The following MAD2L1BP variants were observed in gnomAD, a reference collection of about 807,000 sequenced individuals.
The protein encoded by MAD2L1BP is MAD2L1-binding protein.
Under a neutral mutation model 28.4 loss-of-function variants are expected in MAD2L1BP, and 22 were observed. That is an observed-to-expected ratio of 0.77 (90% CI 0.55 to 1.10). The LOEUF is 1.10. Among genes scored for constraint, MAD2L1BP ranks in the 50% least tolerant of loss-of-function variants. The pLI is 0.00. For missense variants in MAD2L1BP, 325 were observed against 350.5 expected (o/e 0.93, Z 0.58); for synonymous variants, 146 against 133.7 (o/e 1.09, Z -0.63).
chr6:43,635,140 C>T (rs1770126522), upstream of MAD2L1BP, among the ~76,000 whole-genome samples: 1 of 152,212 alleles, frequency 6.6e-6, no homozygotes, highest in Non-Finnish European at 1.5e-5. Flanking sequence ...CCTACTTAAA[C>T]CTTTCAAGGC....
Position 43,636,602 on chromosome 6 carries a change from C to T in MAD2L1BP, c.268C>T (p.Pro90Ser), listed in dbSNP as rs1582364888. Residue 90 changes from proline to serine, a missense_variant, in exon 2 of 3, where the codon CCC becomes TCC. Physicochemically the swap from Pro to Ser is moderately conservative, Grantham distance 74. Coordinates refer to ENST00000372171, the MANE Select transcript of MAD2L1BP (RefSeq NM_014628.3). ...GTATCAACGCCAGCAGCTCCCTCTGCCCTATGAACAGCTTAAGCACTTTTA... is the reference window on the plus strand; with the variant it reads ...GTATCAACGCCAGCAGCTCCCTCTGTCCTATGAACAGCTTAAGCACTTTTA... Reference protein sequence around the residue: ...IMYQRQQLPLPYEQLKHFYRK... With the variant: ...IMYQRQQLPLSYEQLKHFYRK... The T allele has an allele frequency of 6.2e-7, 1 of 1,614,196 alleles. No individual in the cohort carries two copies. Among genetic ancestry groups the T allele is most frequent in the Non-Finnish European group, 8.5e-7 (1 of 1,180,032 alleles).
At position 43,640,361 on chromosome 6, in the gene MAD2L1BP, A is replaced by G. The variant is rs755064937; in HGVS notation, c.653A>G (p.His218Arg). 1 of 1,613,948 alleles carries G rather than the reference A, an allele frequency of 6.2e-7. No homozygotes were observed. Residue 218 changes from histidine to arginine, a missense_variant, in exon 3 of 3, where the codon CAC (histidine) becomes CGC (arginine). Physicochemically the swap from His to Arg is conservative, Grantham distance 29. Transcript: ENST00000372171. Reference sequence around the variant, plus strand: ...GGCACCGTCGTCATGGCACAGGGACACCGCAACTGTGGAGAAGATTGGTTT... The same window carrying G: ...GGCACCGTCGTCATGGCACAGGGACGCCGCAACTGTGGAGAAGATTGGTTT... ...LMGTVVMAQG[H>R]RNCGEDWFRP...
Position 43,640,120 on chromosome 6 carries a change from C to T in MAD2L1BP, c.412C>T (p.Leu138=), listed in dbSNP as rs767110367. Reference sequence around the variant, plus strand: ...AGAACTGGAGAGTGTCCTCAGCCACCTGGAGGACTTCTTTGCACGGACACT... The same window carrying T: ...AGAACTGGAGAGTGTCCTCAGCCACTTGGAGGACTTCTTTGCACGGACACT... ...LAELESVLSH[L]EDFFARTLVP... Residue 138 remains leucine, a synonymous_variant, in exon 3 of 3, where the codon CTG becomes TTG. Coordinates refer to ENST00000372171, the MANE Select transcript of MAD2L1BP (RefSeq NM_014628.3). 3 of 1,609,284 alleles carry T rather than the reference C, an allele frequency of 1.9e-6. No individual in the cohort carries two copies. Among genetic ancestry groups the T allele is most frequent in the Non-Finnish European group, 2.6e-6 (3 of 1,176,390 alleles).
At position 43,640,651 on chromosome 6, in the gene MAD2L1BP, CCTT is replaced by C; in HGVS notation, c.*121_*123del. The stretch of plus-strand genomic sequence containing the variant: ...TCCTGGTGAGAGAGGAAGCAACTCT[CCTT>C]CTGGTTGTCTGCCTCCCCTCAGATT... On this transcript the variant is annotated 3_prime_UTR_variant, in exon 3 of 3. Transcript: ENST00000372171. The C allele has an allele frequency of 9.1e-7, 1 of 1,095,850 alleles. No individual in the cohort carries two copies. The allele number at this position is 1,095,850 out of a possible 1,614,324, so 67.9% of individuals were successfully genotyped here.
At chr6:43,634,225 T>TC (rs1279045439), upstream of MAD2L1BP, among the ~76,000 whole-genome samples, 26 of 139,580 alleles carry the variant, frequency 1.9e-4, no homozygotes, top group African/African-American at 6.6e-4. Flanking sequence ...TTTTTCTTTT[T>TC]TTTTTTTTTT....
chr6:43,632,742 C>T (rs963860239), upstream of MAD2L1BP, among the ~76,000 whole-genome samples: 2 of 149,920 alleles, frequency 1.3e-5, no homozygotes, highest in South Asian at 2.1e-4. Context: ...TGGACTCAGC[C>T]GGGTGCGGTG....
In MAD2L1BP at chr6:43,636,386, G is replaced by A. The variant is rs1381829220; in HGVS notation, c.52G>A (p.Glu18Lys). Reference sequence around the variant, plus strand: ...TCCCTCTTTTCATCTACCAGATTTGGAGTGGTATGAGAAGTCCGAAGAAAC... The same window carrying A: ...TCCCTCTTTTCATCTACCAGATTTGAAGTGGTATGAGAAGTCCGAAGAAAC... ...VLSSAAVPDL[E>K]WYEKSEETHA... Residue 18 changes from glutamate (E) to lysine (K), a missense_variant, in exon 2 of 3, where the codon GAG becomes AAG. By Grantham distance (56) the Glu-to-Lys change is moderately conservative. Coordinates refer to ENST00000372171, the MANE Select transcript of MAD2L1BP (RefSeq NM_014628.3). 6.2e-7 allele frequency: 1 copy of A among 1,613,968 alleles called. No individual in the cohort carries two copies. Among genetic ancestry groups the A allele is most frequent in the Non-Finnish European group, 8.5e-7 (1 of 1,179,944 alleles).
chr6:43,638,571 C>T (rs1335619888), intron 2 of MAD2L1BP, among the ~76,000 whole-genome samples: 2 of 151,062 alleles, frequency 1.3e-5, no homozygotes, highest in African/African-American at 2.4e-5. Context: ...CTGAGGCAGG[C>T]GAATCACGAG....
chr6:43,636,306 G>A, intron 1 of MAD2L1BP, 75 bp from the exon 2 acceptor site: 1 of 1,516,022 alleles, frequency 6.6e-7, no homozygotes, highest in Middle Eastern at 2.0e-4. Context: ...TGGTTTGTCG[G>A]CCACAGGGAA....
rs535708404 is a variant in MAD2L1BP at position 43,639,400 on chromosome 6, A to G, written c.313-621A>G. On this transcript the variant is annotated intron_variant, in intron 2 of 2. Coordinates refer to ENST00000372171, the MANE Select transcript of MAD2L1BP (RefSeq NM_014628.3). ...GTGATCCGCCCGCCTCGGCCTCTCA[A>G]AGTGCTGGGATTACAGGCGTAAGCC... is the stretch of plus-strand genomic sequence containing the variant. Among the ~76,000 whole-genome samples the G allele has an allele frequency of 7.9e-5, 12 of 152,272 alleles. No homozygotes were observed. In the East Asian group the frequency reaches 2.1e-3, roughly 27 times the overall value.
intron 1 of MAD2L1BP, 96 bp downstream of exon 1, chr6:43,636,017 G>A (rs1351488384): frequency 7.9e-7 from 1 of 1,270,078 alleles, no homozygotes; most frequent in African/African-American, 1.5e-5. Context: ...CCTCTCCCTA[G>A]CCCGTCTTCC....
chr6:43,638,688 C>T (rs9462909), intron 2 of MAD2L1BP, among the ~76,000 whole-genome samples: 3 of 150,968 alleles, frequency 2.0e-5, no homozygotes, highest in African/African-American at 4.9e-5. Context: ...CCCAGCTACT[C>T]GGGAGGCTGA....
chr6:43,630,373 G>C (rs1473971903), intron 1 of MAD2L1BP, among the ~76,000 whole-genome samples: 1 of 152,212 alleles, frequency 6.6e-6, no homozygotes, highest in African/African-American at 2.4e-5. Flanking sequence ...GCTGTCTCAT[G>C]ACTCAGACCA....
chr6:43,636,062 G>T, intron 1 of MAD2L1BP, 141 bp downstream of exon 1: 1 of 888,784 alleles, frequency 1.1e-6, no homozygotes, highest in South Asian at 1.5e-5. Context: ...CTCTGGCTGT[G>T]ACTCCATCGC....
rs1256459497 is a variant in MAD2L1BP, at chr6:43,636,520, G to A, written c.186G>A (p.Gly62=). Residue 62 remains glycine, a synonymous_variant, in exon 2 of 3, where the codon GGG becomes GGA. Transcript: ENST00000372171. The part of the protein sequence containing the change: ...RDCMVPVVFP[G]PVSQEGCCQF... ...GCATGGTACCAGTGGTGTTTCCTGG[G>A]CCTGTGAGCCAGGAAGGCTGCTGTC... The A allele has an allele frequency of 6.2e-7, 1 of 1,614,152 alleles. No homozygotes were observed. The highest frequency in any genetic ancestry group is 8.5e-7 in the Non-Finnish European group (1 of 1,180,028).
chr6:43,635,039 C>G (rs573745929), upstream of MAD2L1BP, among the ~76,000 whole-genome samples: 43 of 152,256 alleles, frequency 2.8e-4, no homozygotes, highest in Non-Finnish European at 4.9e-4. Flanking sequence ...GTATCCCTGC[C>G]TCCTCTCTTA....
intron 2 of MAD2L1BP, among the ~76,000 whole-genome samples, chr6:43,638,795 CAAA>C (rs113277792): frequency 4.7e-5 from 6 of 127,174 alleles, no homozygotes; most frequent in Non-Finnish European, 1.7e-5. Context: ...AACTCTGTCT[CAAA>C]AAAAAAAAAA....
In MAD2L1BP at chr6:43,640,752, A is replaced by G. The variant is rs1770515668; in HGVS notation, c.*219A>G. On this transcript the variant is annotated 3_prime_UTR_variant, in exon 3 of 3. Transcript: ENST00000372171. ...GCTGAACAACATCTCTTTGAATCAAAGGTTGATTTTCCCAGAGGGTGCTGG... is the reference window on the plus strand; with the variant it reads ...GCTGAACAACATCTCTTTGAATCAAGGGTTGATTTTCCCAGAGGGTGCTGG... The G allele has an allele frequency of 1.9e-6, 1 of 532,254 alleles. No homozygotes were observed. The highest frequency in any genetic ancestry group is 3.2e-6 in the Non-Finnish European group (1 of 309,914). 33.0% of individuals were successfully genotyped at this position (532,254 alleles called of 1,614,324 possible). A position where few individuals can be genotyped will look rare whatever the true frequency, so the allele number is the denominator to read the frequency against.
chr6:43,634,150 C>T (rs568066361), upstream of MAD2L1BP, among the ~76,000 whole-genome samples: 3 of 152,078 alleles, frequency 2.0e-5, 1 homozygote, highest in South Asian at 4.1e-4. Context: ...CTACTCACCT[C>T]CCACCCCAAC....
Sources: gnomAD v4.1 joint callset for allele counts (sites outside exome capture counted in the v4.1 genomes callset) on GRCh38, gnomAD v4.1.1 for gene constraint, MANE v1.5 for transcripts, NCBI Gene and HGNC (gene_info 2026-07-23, HGNC 2026-07-21) for gene names.